Variants in CACNA1A observed in about 807,000 individuals in gnomAD.
CACNA1A encodes voltage-dependent P/Q-type calcium channel subunit alpha-1A.
Under a neutral mutation model 262.4 loss-of-function variants are expected in CACNA1A, and 57 were observed. The ratio of observed to expected loss-of-function variants is 0.22; its 90% confidence interval spans 0.18 to 0.27. The LOEUF is 0.27. CACNA1A is among the 10% of genes least tolerant of loss of function. The pLI is 1.00. For missense variants in CACNA1A, 2,526 were observed against 3,562.8 expected (o/e 0.71, Z 7.41); for synonymous variants, 1,431 against 1,419.3 (o/e 1.01, Z -0.18).
In CACNA1A at chr19:13,506,120, GC is replaced by G. The variant is rs1568720031; in HGVS notation, c.104del (p.Gly35AlafsTer53). The G allele has an allele frequency of 6.2e-7, 1 of 1,608,728 alleles. No individual in the cohort carries two copies. ...CCCCGGGCTGCCCGCCCTGCCGGCT[GC>G]CCCCGGCTCCTCGCCCGCCTCCGCT... ...VGSGGGRGAG[G>X]SRQGGQPGAQ... is the part of the protein sequence containing the mutation. On this transcript the variant is annotated frameshift_variant, in exon 1 of 47. Coordinates refer to ENST00000360228, the MANE Select transcript of CACNA1A (RefSeq NM_001127222.2). LOFTEE classifies it high-confidence loss of function.
chr19:13,480,758 A>G (rs1208964446), intron 1 of CACNA1A, among the ~76,000 whole-genome samples: 1 of 152,236 alleles, frequency 6.6e-6, no homozygotes, highest in Non-Finnish European at 1.5e-5. Flanking sequence ...GTTGTTCAAG[A>G]GTCAACTATA....
chr19:13,459,365 C>A (rs534766250), intron 1 of CACNA1A, among the ~76,000 whole-genome samples: 1 of 152,272 alleles, frequency 6.6e-6, no homozygotes, highest in East Asian at 1.9e-4. Flanking sequence ...GTAAAAGTCT[C>A]GGAAAGCCAG....
chr19:13,376,583 C>T (rs1568585558), intron 3 of CACNA1A, among the ~76,000 whole-genome samples: 1 of 148,016 alleles, frequency 6.8e-6, no homozygotes, highest in Non-Finnish European at 1.5e-5. Flanking sequence ...TTATATATAA[C>T]ATATGAGATA....
At chr19:13,402,067 C>G (rs1339155362) in intron 3 of CACNA1A, among the ~76,000 whole-genome samples, 1 of 152,234 alleles carries the variant, frequency 6.6e-6, no homozygotes, top group Admixed American at 6.5e-5. Flanking sequence ...CTGGTGTTAA[C>G]TAACACAGCC....
At chr19:13,441,134 C>T (rs1347810825) in intron 3 of CACNA1A, among the ~76,000 whole-genome samples, 1 of 152,248 alleles carries the variant, frequency 6.6e-6, no homozygotes, top group South Asian at 2.1e-4. Context: ...TGCTACTACT[C>T]TCATTTTCCA....
chr19:13,411,882 A>G (rs138791119), intron 3 of CACNA1A, among the ~76,000 whole-genome samples: 28 of 152,038 alleles, frequency 1.8e-4, no homozygotes, highest in African/African-American at 6.3e-4. Flanking sequence ...TGGCTAATTT[A>G]AAAATTTTTT....
intron 19 of CACNA1A, among the ~76,000 whole-genome samples, chr19:13,290,095 A>ATT (rs34860973): frequency 1.1e-4 from 16 of 140,246 alleles, no homozygotes; most frequent in Middle Eastern, 3.8e-3. Flanking sequence ...CACCCGGCTA[A>ATT]TTTTTTTTTT....
intron 1 of CACNA1A, among the ~76,000 whole-genome samples, chr19:13,495,453 C>G (rs555364076): frequency 6.6e-6 from 1 of 152,064 alleles, no homozygotes; most frequent in East Asian, 1.9e-4. Flanking sequence ...CCCGCCACCA[C>G]GCCTGGCTAA....
At chr19:13,430,144 C>T (rs1470732435) in intron 3 of CACNA1A, among the ~76,000 whole-genome samples, 1 of 149,204 alleles carries the variant, frequency 6.7e-6, no homozygotes, top group African/African-American at 2.5e-5. Flanking sequence ...TACTTAACGC[C>T]GCTCAACTAA....
chr19:13,279,261 C>A (rs867186527), intron 22 of CACNA1A, among the ~76,000 whole-genome samples: 1 of 152,134 alleles, frequency 6.6e-6, no homozygotes, highest in African/African-American at 2.4e-5. Context: ...ATACTTAGAT[C>A]TTTTTCATCT....
At position 13,505,750 on chromosome 19, in the gene CACNA1A, A is replaced by G. The variant is rs144454175; in HGVS notation, c.293+182T>C. 6.1e-3 allele frequency among the ~76,000 whole-genome samples: 922 copies of G among 151,038 alleles called. 9 individuals are homozygous for G. Among genetic ancestry groups the G allele is most frequent in the African/African-American group, 0.021 (871 of 41,130 alleles). Reference sequence around the variant, plus strand: ...ATTCCCAAGCCTCCAGGGTAGCTCAACCCAGCTCGGGGTGGAGAGATTCTT... The same window carrying G: ...ATTCCCAAGCCTCCAGGGTAGCTCAGCCCAGCTCGGGGTGGAGAGATTCTT... On this transcript the variant is annotated intron_variant, in intron 1 of 46. Coordinates refer to ENST00000360228, the MANE Select transcript of CACNA1A (RefSeq NM_001127222.2).
intron 24 of CACNA1A, among the ~76,000 whole-genome samples, chr19:13,268,434 ATTT>A (rs5827184): frequency 1.2e-4 from 16 of 135,980 alleles, no homozygotes; most frequent in Admixed American, 1.5e-4. Flanking sequence ...GAAGTTAGTG[ATTT>A]TTTTTTTTTT....
intron 44 of CACNA1A, among the ~76,000 whole-genome samples, 167 bp downstream of exon 44, chr19:13,210,450 C>A (rs2054764887): frequency 6.6e-6 from 1 of 151,684 alleles, no homozygotes; most frequent in African/African-American, 2.4e-5. Context: ...GGGGCACACA[C>A]AGGACACCAC....
Position 13,257,428 on chromosome 19 carries a change from G to T in CACNA1A, c.4512C>A (p.Ile1504=), listed in dbSNP as rs937843337. Residue 1504 remains isoleucine, a synonymous_variant, in exon 28 of 47, where the codon ATC becomes ATA. Coordinates refer to ENST00000360228, the MANE Select transcript of CACNA1A (RefSeq NM_001127222.2). ...FVVFPFFFVN[I]FVALIIITFQ... ...AGGTGATGATGATCAAGGCCACAAA[G>T]ATATTGACAAAGAAGAAGGGGAACA... 3 of 1,613,846 alleles carry T rather than the reference G, an allele frequency of 1.9e-6. No homozygotes were observed. The highest frequency in any genetic ancestry group is 1.7e-5 in the Admixed American group (1 of 60,004).
chr19:13,402,750 A>G (rs1010564789), intron 3 of CACNA1A, among the ~76,000 whole-genome samples: 36 of 143,790 alleles, frequency 2.5e-4, no homozygotes, highest in African/African-American at 8.2e-4. Context: ...ATACACATAT[A>G]TATACACACA....
intron 1 of CACNA1A, among the ~76,000 whole-genome samples, chr19:13,475,557 C>T (rs1331570813): frequency 6.6e-6 from 1 of 152,156 alleles, no homozygotes; most frequent in Non-Finnish European, 1.5e-5. Flanking sequence ...CTACTCTGTG[C>T]CCAGAGAAAA....
intron 1 of CACNA1A, among the ~76,000 whole-genome samples, chr19:13,461,238 G>T (rs1372855216): frequency 3.9e-5 from 6 of 152,184 alleles, no homozygotes; most frequent in African/African-American, 1.4e-4. Context: ...TACTTGGGAG[G>T]CTGAGGCAGG....
At chr19:13,213,855 A>ATT in intron 40 of CACNA1A, 5 of 161,946 alleles carry the variant, frequency 3.1e-5, no homozygotes, top group South Asian at 1.5e-4. Flanking sequence ...AGCTAATTTT[A>ATT]TTTTTTTTTT....
rs765379009 is a variant in CACNA1A, at chr19:13,241,458, C to T, written c.4950+3724G>A. 1.8e-5 allele frequency: 21 copies of T among 1,175,280 alleles called. No homozygotes were observed. The highest frequency in any genetic ancestry group is 2.8e-5 in the East Asian group (1 of 35,688). 72.8% of individuals were successfully genotyped at this position (1,175,280 alleles called of 1,614,324 possible). A position where few individuals can be genotyped will look rare whatever the true frequency, so the allele number is the denominator to read the frequency against. ...GGCAGGGTGTGGCATGCAATGCCGA[C>T]GCGAGGAGATGCGTTCACAGTTAAT... On this transcript the variant is annotated intron_variant, in intron 31 of 46. Coordinates refer to ENST00000360228, the MANE Select transcript of CACNA1A (RefSeq NM_001127222.2). The surrounding 1 kb of genome is among the most constrained non-coding windows in gnomAD (Gnocchi z 4.0).
Sources: gnomAD v4.1 joint callset for allele counts (sites outside exome capture counted in the v4.1 genomes callset) on GRCh38, gnomAD v4.1.1 for gene constraint, Gnocchi (gnomAD v3.1) non-coding constraint, MANE v1.5 for transcripts, NCBI Gene and HGNC (gene_info 2026-07-23, HGNC 2026-07-21) for gene names.